Variants in DHDDS observed in about 807,000 individuals in gnomAD.
DHDDS encodes the protein dehydrodolichyl diphosphate synthase subunit, also known as dehydrodolichyl diphosphate synthase complex subunit DHDDS.
Under a neutral mutation model 46.2 loss-of-function variants are expected in DHDDS, and 16 were observed. The ratio of observed to expected loss-of-function variants is 0.35; its 90% CI spans 0.23 to 0.53. The LOEUF is 0.53. Ranked by LOEUF, DHDDS falls within the 20% of genes least tolerant of loss-of-function variation. DHDDS has a pLI of 0.94. For synonymous variants in DHDDS, 151 were observed against 163.1 expected (o/e 0.93, Z 0.56); for missense variants, 340 against 423.7 (o/e 0.80, Z 1.73).
intron 6 of DHDDS, chr1:26,454,933 T>C: frequency 6.2e-7 from 1 of 1,602,518 alleles, no homozygotes; most frequent in Non-Finnish European, 8.5e-7. Flanking sequence ...CAGCACTCTT[T>C]TTGGGCCACT....
At chr1:26,463,345 C>T (rs2075445071) in intron 8 of DHDDS, 1 of 152,118 alleles carries the variant, frequency 6.6e-6, no homozygotes, top group Admixed American at 6.5e-5. Flanking sequence ...GATAATATAA[C>T]TCCCCAGAGA....
At chr1:26,445,945 C>T (rs2075263651) in intron 4 of DHDDS, among the ~76,000 whole-genome samples, 1 of 152,068 alleles carries the variant, frequency 6.6e-6, no homozygotes. Flanking sequence ...ATCGCTTAAA[C>T]CCGGGATGCG....
At chr1:26,446,218 A>G in intron 4 of DHDDS, 98 bp from the exon 5 acceptor site, 2 of 960,302 alleles carry the variant, frequency 2.1e-6, no homozygotes, top group South Asian at 1.4e-5. Flanking sequence ...CACACAGGAA[A>G]GCACTCAAAA....
At position 26,470,902 on chromosome 1, in the gene DHDDS, T is replaced by A. The variant is rs1035074660; in HGVS notation, c.*1771T>A. The A allele has an allele frequency of 2.1e-4, 32 of 152,738 alleles. No homozygotes were observed. Among genetic ancestry groups the A allele is most frequent in the African/African-American group, 6.5e-4 (27 of 41,448 alleles). 9.5% of individuals were successfully genotyped at this position (152,738 alleles called of 1,614,324 possible). A position where few individuals can be genotyped will look rare whatever the true frequency, so the allele number is the denominator to read the frequency against. ...ACGGAATCTGCCCTATGAGCGTGGC[T>A]GTTGAGTCCTGTCTCCTGGGTCTGA... On this transcript the variant is annotated 3_prime_UTR_variant, in exon 9 of 9. Coordinates refer to ENST00000236342, the MANE Select transcript of DHDDS (RefSeq NM_205861.3).
intron 8 of DHDDS, among the ~76,000 whole-genome samples, chr1:26,465,591 A>G (rs1397074317): frequency 6.6e-6 from 1 of 152,208 alleles, no homozygotes; most frequent in South Asian, 2.1e-4. Context: ...TTACAGTAAT[A>G]CCTACCTTGC....
chr1:26,445,060 C>A (rs1318805736), intron 4 of DHDDS, among the ~76,000 whole-genome samples: 1 of 130,592 alleles, frequency 7.7e-6, no homozygotes, highest in African/African-American at 3.0e-5. Flanking sequence ...GAGGCTGACT[C>A]CCTACGTGCA....
chr1:26,438,124 G>A, intron 2 of DHDDS, 44 bp from the exon 3 acceptor site: 1 of 1,601,402 alleles, frequency 6.2e-7, no homozygotes, highest in Non-Finnish European at 8.6e-7. Flanking sequence ...CTTTATCCCT[G>A]AAGAATATGA....
chr1:26,443,032 C>T, intron 4 of DHDDS, 159 bp downstream of exon 4: 3 of 1,246,296 alleles, frequency 2.4e-6, no homozygotes, highest in Non-Finnish European at 2.1e-6. Flanking sequence ...ACAAGATAGT[C>T]TTTCATTCTT....
intron 6 of DHDDS, chr1:26,455,273 CAG>C (rs1168701720): frequency 5.2e-6 from 3 of 575,322 alleles, no homozygotes; most frequent in Admixed American, 3.0e-5. Flanking sequence ...ATGGATTGTA[CAG>C]AGTCTCACAT....
At chr1:26,436,152 C>G (rs1570329323) in intron 2 of DHDDS, among the ~76,000 whole-genome samples, 1 of 151,630 alleles carries the variant, frequency 6.6e-6, no homozygotes, top group Non-Finnish European at 1.5e-5. Context: ...AATCCCAGCA[C>G]TTTGGGAGGC....
intron 6 of DHDDS, among the ~76,000 whole-genome samples, chr1:26,450,785 G>T (rs867966322): frequency 6.6e-6 from 1 of 152,136 alleles, no homozygotes; most frequent in Non-Finnish European, 1.5e-5. Context: ...CAGAAAAGGG[G>T]TATAGAAATA....
At chr1:26,449,966 A>G (rs1229502229) in intron 6 of DHDDS, among the ~76,000 whole-genome samples, 1 of 152,226 alleles carries the variant, frequency 6.6e-6, no homozygotes, top group African/African-American at 2.4e-5. Context: ...GATATCCTGT[A>G]CATGTTGAAC....
At chr1:26,465,577 G>A (rs1259574469) in intron 8 of DHDDS, among the ~76,000 whole-genome samples, 1 of 152,212 alleles carries the variant, frequency 6.6e-6, no homozygotes, top group Admixed American at 6.5e-5. Flanking sequence ...GAGAGAAGTA[G>A]CGTTTACAGT....
chr1:26,469,301 C>T lies in DHDDS; in HGVS notation c.*170C>T. Reference sequence around the variant, plus strand: ...CTGGCCATAGATACCTTTGGGCTGCCTGGGACAGGCTCCTGAGGAGGATTG... The same window carrying T: ...CTGGCCATAGATACCTTTGGGCTGCTTGGGACAGGCTCCTGAGGAGGATTG... On this transcript the variant is annotated 3_prime_UTR_variant, in exon 9 of 9. Coordinates refer to ENST00000236342, the MANE Select transcript of DHDDS (RefSeq NM_205861.3). 8.1e-7 allele frequency: 1 copy of T among 1,236,574 alleles called. No homozygotes were observed. The highest frequency in any genetic ancestry group is 1.1e-6 in the Non-Finnish European group (1 of 880,890). The allele number at this position is 1,236,574 out of a possible 1,614,324, so 76.6% of individuals were successfully genotyped here. A position where few individuals can be genotyped will look rare whatever the true frequency, so the allele number is the denominator to read the frequency against.
At chr1:26,460,258 T>A in intron 8 of DHDDS, 114 bp downstream of exon 8, 1 of 854,650 alleles carries the variant, frequency 1.2e-6, no homozygotes, top group Non-Finnish European at 2.0e-6. Flanking sequence ...ATGATAATGA[T>A]GATAGTAGCT....
chr1:26,445,099 C>A (rs1156378301), intron 4 of DHDDS, among the ~76,000 whole-genome samples: 1 of 152,172 alleles, frequency 6.6e-6, no homozygotes, highest in Non-Finnish European at 1.5e-5. Context: ...GCTGTCCAAA[C>A]AAATTACCTA....
intron 8 of DHDDS, among the ~76,000 whole-genome samples, chr1:26,461,259 G>A (rs1288602550): frequency 6.6e-6 from 1 of 152,096 alleles, no homozygotes; most frequent in Non-Finnish European, 1.5e-5. Flanking sequence ...TAATCTCCTT[G>A]GTATTGGGGT....
chr1:26,448,713 T>C (rs2075292719), intron 6 of DHDDS: 1 of 152,204 alleles, frequency 6.6e-6, no homozygotes, highest in African/African-American at 2.4e-5. Context: ...GTGTGAGAGA[T>C]TCAAGGCTGT....
chr1:26,460,919 G>A (rs971291734), intron 8 of DHDDS, among the ~76,000 whole-genome samples: 1 of 152,110 alleles, frequency 6.6e-6, no homozygotes, highest in Non-Finnish European at 1.5e-5. Flanking sequence ...TGTTGCCCAG[G>A]CCGGAGTGCA....
Sources: gnomAD v4.1 joint callset for allele counts (sites outside exome capture counted in the v4.1 genomes callset) on GRCh38, gnomAD v4.1.1 for gene constraint, MANE v1.5 for transcripts, NCBI Gene and HGNC (gene_info 2026-07-23, HGNC 2026-07-21) for gene names.